IPO11: variants seen among roughly 807,000 people sequenced by gnomAD.
The protein encoded by IPO11 is importin-11.
Under a neutral mutation model 143.2 loss-of-function variants are expected in IPO11, and 66 were observed. The observed-to-expected ratio is 0.46, with a 90% CI of 0.38 to 0.57. The LOEUF (loss-of-function observed/expected upper bound fraction) is 0.57, where lower values mean the gene tolerates loss of function less well. Ranked by LOEUF, IPO11 falls within the 20% of genes least tolerant of loss-of-function variation. The probability of loss-of-function intolerance (pLI) is 0.00; values close to 1 mark genes in which losing one functional copy is unlikely to be tolerated. For synonymous variants in IPO11, 385 were observed against 377.8 expected, an observed-to-expected ratio of 1.02 and a Z score of -0.22; for missense variants, 1,026 against 1,141.0, an observed-to-expected ratio of 0.90 and a Z score of 1.45.
intron 19 of IPO11, among the ~76,000 whole-genome samples, chr5:62,506,614 A>G (rs1406324602): frequency 6.6e-6 from 1 of 152,182 alleles, no homozygotes; most frequent in Non-Finnish European, 1.5e-5. Flanking sequence ...CATATTTTAG[A>G]AGATCCAGCC....
Position 62,601,819 on chromosome 5 carries a change from C to T in IPO11, c.2734C>T (p.Pro912Ser). ...EPKVTEDEEP[P>S]TEQDKRKKML... The stretch of plus-strand genomic sequence containing the variant: ...AAAAGTAACAGAAGATGAAGAACCA[C>T]CCACAGAACAAGATAAGAGGAAAAA... The change falls in exon 29 of 30, where the codon CCC becomes TCC. Residue 912 changes from proline to serine, a missense_variant. Physicochemically the swap from Pro to Ser is moderately conservative, Grantham distance 74. Transcript: ENST00000325324. The T allele has an allele frequency of 8.8e-6, 14 of 1,594,992 alleles. No homozygotes were observed. The highest frequency in any genetic ancestry group is 1.2e-5 in the Non-Finnish European group (14 of 1,169,940).
At chr5:62,488,570 T>A (rs1442210938) in intron 13 of IPO11, among the ~76,000 whole-genome samples, 2 of 152,114 alleles carry the variant, frequency 1.3e-5, no homozygotes, top group Non-Finnish European at 2.9e-5. Flanking sequence ...TCGGAGTGCA[T>A]GTATGTAAGG....
chr5:62,487,735 T>C (rs745931634), intron 12 of IPO11, 36 bp from the exon 13 acceptor site: 2 of 1,520,170 alleles, frequency 1.3e-6, no homozygotes, highest in African/African-American at 1.4e-5. Flanking sequence ...AGTATGCAAC[T>C]GTTTTGATGA....
rs1743041332 is a variant in IPO11 at position 62,543,632 on chromosome 5, A to C, written c.2250+6343A>C. ...TCAATTTTGTTGATCTTTTCAAAAAACCAGCTCCTGGATTTATTGATTTTT... is the reference window on the plus strand; with the variant it reads ...TCAATTTTGTTGATCTTTTCAAAAACCCAGCTCCTGGATTTATTGATTTTT... On this transcript the variant is annotated intron_variant, in intron 24 of 29. Coordinates refer to ENST00000325324, the MANE Select transcript of IPO11 (RefSeq NM_016338.5). Among the ~76,000 whole-genome samples the C allele has an allele frequency of 2.6e-5, 4 of 152,166 alleles. No homozygotes were observed. The South Asian group carries it at 8.3e-4, about 32-fold the overall frequency.
intron 9 of IPO11, 131 bp from the exon 10 acceptor site, chr5:62,482,966 CTGAG>C: frequency 3.4e-6 from 2 of 588,126 alleles, no homozygotes; most frequent in East Asian, 5.8e-5. Context: ...TAATGTAAAA[CTGAG>C]TGAACATAGA....
chr5:62,624,679 G>T (rs1199101806), intron 29 of IPO11, among the ~76,000 whole-genome samples: 1 of 151,908 alleles, frequency 6.6e-6, no homozygotes, highest in African/African-American at 2.4e-5. Flanking sequence ...ATTTTATCCA[G>T]CCCCTATTCA....
chr5:62,447,405 C>T (rs930893297), intron 3 of IPO11, among the ~76,000 whole-genome samples: 1 of 152,066 alleles, frequency 6.6e-6, no homozygotes, highest in African/African-American at 2.4e-5. Flanking sequence ...TGCCCCCAGC[C>T]TATTTATGAA....
chr5:62,486,727 A>T (rs1278725907), intron 12 of IPO11, among the ~76,000 whole-genome samples: 3 of 152,192 alleles, frequency 2.0e-5, no homozygotes, highest in Non-Finnish European at 4.4e-5. Flanking sequence ...AAAAAATTTC[A>T]TTCCTTTAAT....
intron 24 of IPO11, among the ~76,000 whole-genome samples, chr5:62,541,915 GAATT>G (rs1472038782): frequency 6.6e-6 from 1 of 152,004 alleles, no homozygotes; most frequent in Non-Finnish European, 1.5e-5. Flanking sequence ...ACAGATACTT[GAATT>G]AACAAATTTG....
intron 12 of IPO11, among the ~76,000 whole-genome samples, chr5:62,486,216 G>A (rs1158110107): frequency 6.6e-6 from 1 of 151,976 alleles, no homozygotes; most frequent in Non-Finnish European, 1.5e-5. Flanking sequence ...TCCTGACCTC[G>A]TGAGCCACCC....
At chr5:62,593,800 T>G (rs549561809) in intron 28 of IPO11, among the ~76,000 whole-genome samples, 115 of 152,286 alleles carry the variant, frequency 7.6e-4, no homozygotes, top group Middle Eastern at 3.4e-3. Flanking sequence ...GAGAAATAAA[T>G]TACCAAGAGA....
At chr5:62,490,776 G>T (rs1205853213) in intron 15 of IPO11, among the ~76,000 whole-genome samples, 1 of 151,472 alleles carries the variant, frequency 6.6e-6, no homozygotes, top group African/African-American at 2.4e-5. Context: ...TATTTTTTTT[G>T]AAATAGTCTC....
At chr5:62,508,089 C>T (rs906596877) in intron 19 of IPO11, among the ~76,000 whole-genome samples, 9 of 151,974 alleles carry the variant, frequency 5.9e-5, no homozygotes, top group Non-Finnish European at 1.2e-4. Flanking sequence ...CCAAATTTGA[C>T]GTTTGTCCAT....
In IPO11 at chr5:62,590,419, G is replaced by A. The variant is rs557642536; in HGVS notation, c.2583-1158G>A. Among the ~76,000 whole-genome samples, 6 of 152,178 alleles carry A rather than the reference G, an allele frequency of 3.9e-5. No homozygotes were observed. In the East Asian group the frequency reaches 9.7e-4, roughly 25 times the overall value. On this transcript the variant is annotated intron_variant, in intron 27 of 29. Coordinates refer to ENST00000325324, the MANE Select transcript of IPO11 (RefSeq NM_016338.5). ...TGTGGGTTTTAGTGCCTAAAAACTT[G>A]TTTAGTCTCTTAAATTACCCTAACT...
intron 22 of IPO11, among the ~76,000 whole-genome samples, chr5:62,534,452 T>C (rs893664809): frequency 1.3e-5 from 2 of 152,146 alleles, no homozygotes; most frequent in Non-Finnish European, 2.9e-5. Context: ...AATATATATG[T>C]AAAATACAAA....
chr5:62,497,980 G>A (rs534192431), intron 16 of IPO11, among the ~76,000 whole-genome samples: 19 of 151,642 alleles, frequency 1.3e-4, no homozygotes, highest in South Asian at 4.2e-4. Flanking sequence ...AATTTGTGCC[G>A]TTTCACTGGC....
chr5:62,528,905 G>A (rs1428878012), intron 21 of IPO11, among the ~76,000 whole-genome samples: 1 of 152,148 alleles, frequency 6.6e-6, no homozygotes, highest in African/African-American at 2.4e-5. Flanking sequence ...CTGATTATGT[G>A]ATTTATCTCC....
chr5:62,445,527 A>G (rs980736915), intron 3 of IPO11, among the ~76,000 whole-genome samples: 4 of 152,126 alleles, frequency 2.6e-5, no homozygotes, highest in African/African-American at 9.7e-5. Context: ...TGCGAAAACA[A>G]TATATATGTA....
intron 27 of IPO11, among the ~76,000 whole-genome samples, chr5:62,565,546 A>G (rs1478439727): frequency 6.6e-6 from 1 of 152,194 alleles, no homozygotes; most frequent in Non-Finnish European, 1.5e-5. Context: ...AAGAAAAGAA[A>G]CAAACTAACA....
Sources: allele counts gnomAD v4.1 joint callset (sites outside exome capture counted in the v4.1 genomes callset), GRCh38; gene constraint gnomAD v4.1.1; transcripts MANE v1.5; gene names NCBI Gene and HGNC (gene_info 2026-07-23, HGNC 2026-07-21).